OTOG: variants seen among roughly 807,000 people sequenced by gnomAD.
OTOG encodes otogelin.
A neutral mutation model predicts 313.8 loss-of-function variants in OTOG; 296 were observed. That is an observed-to-expected ratio of 0.94 (90% CI 0.86 to 1.04). The LOEUF (loss-of-function observed/expected upper bound fraction) is 1.04. Ranked by LOEUF, OTOG falls within the 50% of genes least tolerant of loss-of-function variation. The pLI, the probability that OTOG is intolerant of heterozygous loss-of-function variation, is 0.00. For synonymous variants in OTOG, 1,533 were observed against 1,554.9 expected (o/e 0.99, Z 0.33); for missense variants, 3,948 against 3,840.1 (o/e 1.03, Z -0.74).
Position 17,559,142 on chromosome 11 carries a change from G to A in OTOG, c.1194G>A (p.Arg398=). The part of the protein sequence containing the change: ...AQAGRPLQGW[R]TQLRQCTVHC... Reference sequence around the variant, plus strand: ...CAGGGCGGCCCTTGCAAGGCTGGAGGACCCAGCTCCGGCAATGCAGTAGGT... The same window carrying A: ...CAGGGCGGCCCTTGCAAGGCTGGAGAACCCAGCTCCGGCAATGCAGTAGGT... The change falls in exon 11 of 56, where the codon AGG becomes AGA. Residue 398 remains arginine, a synonymous_variant. Coordinates refer to ENST00000399397, the MANE Select transcript of OTOG (RefSeq NM_001292063.2). 1 of 1,539,758 alleles carries A rather than the reference G, an allele frequency of 6.5e-7. No homozygotes were observed. Among genetic ancestry groups the A allele is most frequent in the Non-Finnish European group, 8.7e-7 (1 of 1,146,834 alleles).
rs888173983 is a variant in OTOG at position 17,640,709 on chromosome 11, C to T, written c.7936-36C>T. On this transcript the variant is annotated intron_variant, in intron 49 of 55. Transcript: ENST00000399397. ...CTGCTCCTGAGGGCCAGGCTGGCCC[C>T]CAACCCAGGGTGCTGACTGCCTCTG... The T allele has an allele frequency of 3.9e-6, 6 of 1,544,148 alleles. No homozygotes were observed. In the African/African-American group the frequency reaches 8.2e-5, roughly 21 times the overall value.
chr11:17,593,073 C>T, intron 25 of OTOG, 120 bp from the exon 26 acceptor site: 2 of 1,054,844 alleles, frequency 1.9e-6, no homozygotes, highest in Admixed American at 3.0e-5. Flanking sequence ...CACAGCTCAG[C>T]TAACACAAAG....
Position 17,609,635 on chromosome 11 carries a change from CTCT to C in OTOG, c.4355-15_4355-13del, listed in dbSNP as rs1853474368. 2 of 1,468,782 alleles carry C rather than the reference CTCT, an allele frequency of 1.4e-6. No homozygotes were observed. The highest frequency in any genetic ancestry group is 1.8e-6 in the Non-Finnish European group (2 of 1,104,380). 91.0% of individuals were successfully genotyped at this position (1,468,782 alleles called of 1,614,324 possible). On this transcript the variant is annotated splice_polypyrimidine_tract_variant and intron_variant, in intron 35 of 55. Coordinates refer to ENST00000399397, the MANE Select transcript of OTOG (RefSeq NM_001292063.2). ...GCAGCAGTCACCCCGCCTTCTGAAC[CTCT>C]TCTTTTGTCTCCGCAGGTGTGGAGC...
Position 17,599,671 on chromosome 11 carries a change from C to A in OTOG, c.3683C>A (p.Pro1228Gln). ...AVDWRTPRLCPYDCDFFNKVL... is the reference protein window; with the variant it reads ...AVDWRTPRLCQYDCDFFNKVL... Reference sequence around the variant, plus strand: ...GAAGTTCCTGTTCTCTCTCTTTCAGCGTATGACTGTGACTTCTTTAACAAA... The same window carrying A: ...GAAGTTCCTGTTCTCTCTCTTTCAGAGTATGACTGTGACTTCTTTAACAAA... The change falls in exon 31 of 56, where the codon CCG becomes CAG. Residue 1228 changes from proline to glutamine, a missense_variant and splice_region_variant. Coordinates refer to ENST00000399397, the MANE Select transcript of OTOG (RefSeq NM_001292063.2). 4 of 1,550,682 alleles carry A rather than the reference C, an allele frequency of 2.6e-6. No homozygotes were observed. Among genetic ancestry groups the A allele is most frequent in the Non-Finnish European group, 3.5e-6 (4 of 1,146,988 alleles).
In OTOG at chr11:17,606,265, C is replaced by A. The variant is rs545525559; in HGVS notation, c.4156+130C>A. The A allele has an allele frequency of 2.9e-4, 353 of 1,200,142 alleles. 2 individuals are homozygous for A. In the South Asian group the frequency reaches 5.6e-3, roughly 19 times the overall value. 74.3% of individuals were successfully genotyped at this position (1,200,142 alleles called of 1,614,324 possible). ...ATCCTCCTTCTCCTGGCACAGGGGC[C>A]ACATGGGTGCCACCCTGAGATGAGA... On this transcript the variant is annotated intron_variant, in intron 33 of 55. Coordinates refer to ENST00000399397, the MANE Select transcript of OTOG (RefSeq NM_001292063.2).
intron 24 of OTOG, among the ~76,000 whole-genome samples, chr11:17,587,802 G>A (rs557354152): frequency 2.0e-5 from 3 of 152,120 alleles, no homozygotes; most frequent in Non-Finnish European, 4.4e-5. Flanking sequence ...TTGAGATTTT[G>A]TGACTGTGGT....
chr11:17,588,067 G>A (rs1278050133), intron 24 of OTOG, among the ~76,000 whole-genome samples: 4 of 152,210 alleles, frequency 2.6e-5, no homozygotes, highest in Non-Finnish European at 5.9e-5. Context: ...CAAGGCCGAA[G>A]AGCTGGGATT....
intron 17 of OTOG, among the ~76,000 whole-genome samples, chr11:17,571,079 G>T (rs975878269): frequency 6.6e-6 from 1 of 152,332 alleles, no homozygotes; most frequent in East Asian, 1.9e-4. Context: ...ATTAGGGGAT[G>T]CAGAAGGAAA....
chr11:17,599,912 CG>C (rs1190184692), intron 31 of OTOG, among the ~76,000 whole-genome samples: 1 of 152,220 alleles, frequency 6.6e-6, no homozygotes, highest in Non-Finnish European at 1.5e-5. Flanking sequence ...AGCCCCTGTC[CG>C]GGGCCCAGGC....
chr11:17,634,860 G>T lies in OTOG; in HGVS notation c.7497G>T (p.Leu2499=), dbSNP rs1207654958. Residue 2499 remains leucine, a synonymous_variant, in exon 45 of 56, where the codon CTG becomes CTT. Coordinates refer to ENST00000399397, the MANE Select transcript of OTOG (RefSeq NM_001292063.2). ...LGTVCVCNQT[L]CEGLAPTCRP... is the part of the protein sequence containing the mutation. Reference sequence around the variant, plus strand: ...CGGGGCCAGTGTGTAACCAGACTCTGTGTGAGGGTCTCGCCCCCACATGCC... The same window carrying T: ...CGGGGCCAGTGTGTAACCAGACTCTTTGTGAGGGTCTCGCCCCCACATGCC... 2 of 1,549,398 alleles carry T rather than the reference G, an allele frequency of 1.3e-6. No individual in the cohort carries two copies. Among genetic ancestry groups the T allele is most frequent in the African/African-American group, 2.7e-5 (2 of 72,952 alleles).
At chr11:17,571,047 G>A (rs75131762) in intron 17 of OTOG, among the ~76,000 whole-genome samples, 2,165 of 152,288 alleles carry the variant, frequency 0.014, 20 homozygotes, top group Non-Finnish European at 0.022. Flanking sequence ...GGAGATCCTG[G>A]CCAGTCCTTG....
intron 15 of OTOG, among the ~76,000 whole-genome samples, chr11:17,566,614 A>G (rs1194877135): frequency 6.6e-6 from 1 of 152,074 alleles, no homozygotes; most frequent in Non-Finnish European, 1.5e-5. Flanking sequence ...GTAAACACTC[A>G]CTCTAACAGT....
chr11:17,610,597 C>T lies in OTOG; in HGVS notation c.5297C>T (p.Pro1766Leu), dbSNP rs1404998497. ...ATGGCCACCAGGTCTCCAGCTCTGCCCCCAGAGACCCCAGCTGCCGCCAGC... is the reference window on the plus strand; with the variant it reads ...ATGGCCACCAGGTCTCCAGCTCTGCTCCCAGAGACCCCAGCTGCCGCCAGC... ...TTMATRSPAL[P>L]PETPAAASLS... is the part of the protein sequence containing the mutation. Residue 1766 changes from proline (P) to leucine (L), a missense_variant, in exon 36 of 56, where the codon CCC (proline) becomes CTC (leucine). Pro to Leu is a moderately conservative substitution (Grantham distance 98). Transcript: ENST00000399397. 2 of 1,550,634 alleles carry T rather than the reference C, an allele frequency of 1.3e-6. No individual in the cohort carries two copies. Among genetic ancestry groups the T allele is most frequent in the Admixed American group, 2.0e-5 (1 of 51,010 alleles).
intron 15 of OTOG, among the ~76,000 whole-genome samples, chr11:17,563,854 G>GTTTTTTTTTTT (rs61373849): frequency 2.8e-4 from 30 of 106,598 alleles, no homozygotes; most frequent in South Asian, 3.3e-4. Context: ...CTAGTTTTTG[G>GTTTTTTTTTTT]TTTTTTTTTT....
At chr11:17,639,385 C>T (rs891296877) in intron 48 of OTOG, 38 bp from the exon 49 acceptor site, 7 of 1,549,960 alleles carry the variant, frequency 4.5e-6, no homozygotes, top group Non-Finnish European at 5.2e-6. Context: ...ACCTGGACAT[C>T]CCTGATGAAG....
At chr11:17,598,606 G>A (rs755290793) in intron 30 of OTOG, among the ~76,000 whole-genome samples, 2 of 152,136 alleles carry the variant, frequency 1.3e-5, no homozygotes, top group African/African-American at 2.4e-5. Context: ...CACCTTAGAG[G>A]AGGGCACTAA....
intron 15 of OTOG, among the ~76,000 whole-genome samples, chr11:17,562,581 T>A (rs1294502127): frequency 6.6e-6 from 1 of 150,992 alleles, no homozygotes; most frequent in African/African-American, 2.4e-5. Context: ...AAAAAAAAAA[T>A]TCCAAACTAT....
At chr11:17,613,756 AG>A in intron 39 of OTOG, 55 bp downstream of exon 39, 1 of 1,290,534 alleles carries the variant, frequency 7.7e-7, no homozygotes, top group Non-Finnish European at 1.1e-6. Context: ...GCTGAGGGAC[AG>A]GGCATCCAGG....
chr11:17,633,828 CT>C lies in OTOG; in HGVS notation c.7223del (p.Leu2408TyrfsTer142). The C allele has an allele frequency of 3.9e-6, 6 of 1,549,656 alleles. No homozygotes were observed. Among genetic ancestry groups the C allele is most frequent in the Non-Finnish European group, 5.2e-6 (6 of 1,146,720 alleles). ...EGCVCSEGTI[L>X]HRRHSALCIP... ...GCTGCGTCTGCTCCGAGGGCACCAT[CT>C]TACACCGGCGCCACTCTGCACTCTG... On this transcript the variant is annotated frameshift_variant, in exon 43 of 56. Transcript: ENST00000399397. LOFTEE classifies it high-confidence loss of function.
Sources: allele counts gnomAD v4.1 joint callset (sites outside exome capture counted in the v4.1 genomes callset), GRCh38; gene constraint gnomAD v4.1.1; transcripts MANE v1.5; gene names NCBI Gene and HGNC (gene_info 2026-07-23, HGNC 2026-07-21).